Variants in CCNY observed in about 807,000 individuals in gnomAD.
CCNY encodes cyclin-Y.
Under a neutral mutation model 42.8 loss-of-function variants are expected in CCNY, and 19 were observed. The observed-to-expected ratio is 0.44, with a 90% CI of 0.31 to 0.65. CCNY has a LOEUF of 0.65. Ranked by LOEUF, CCNY falls within the 30% of genes least tolerant of loss-of-function variation. The probability of loss-of-function intolerance (pLI) is 0.07; values close to 1 mark genes in which losing one functional copy is unlikely to be tolerated. For missense variants in CCNY, 370 were observed against 437.3 expected, an observed-to-expected ratio of 0.85 and a Z score of 1.37; for synonymous variants, 165 against 162.7, an observed-to-expected ratio of 1.01 and a Z score of -0.11.
At chr10:35,368,590 C>T (rs558698433) in intron 1 of CCNY, among the ~76,000 whole-genome samples, 19 of 145,804 alleles carry the variant, frequency 1.3e-4, no homozygotes, top group African/African-American at 4.8e-4. Flanking sequence ...ATCCACATTT[C>T]GTGGTGTTTT....
At chr10:35,355,678 C>CAAAAAAAAAAAAAAAAA (rs60257114) in intron 1 of CCNY, among the ~76,000 whole-genome samples, 1 of 57,416 alleles carries the variant, frequency 1.7e-5, no homozygotes, top group African/African-American at 8.2e-5. Flanking sequence ...ATACTGTCTC[C>CAAAAAAAAAAAAAAAAA]AAAAAAAAAA....
chr10:35,379,791 C>G (rs1042314234), intron 1 of CCNY, among the ~76,000 whole-genome samples: 1 of 152,194 alleles, frequency 6.6e-6, no homozygotes, highest in South Asian at 2.1e-4. Context: ...TTATCCACCC[C>G]CTACCCCTTC....
intron 7 of CCNY, among the ~76,000 whole-genome samples, chr10:35,550,314 C>T (rs1841226692): frequency 6.6e-6 from 1 of 152,188 alleles, no homozygotes. Context: ...GCTCATGGCC[C>T]ATGACCCTAC....
At chr10:35,440,704 G>A (rs1399311955) in intron 1 of CCNY, among the ~76,000 whole-genome samples, 1 of 152,208 alleles carries the variant, frequency 6.6e-6, no homozygotes, top group Non-Finnish European at 1.5e-5. Context: ...GAGTGATTCT[G>A]GGCAGCAGAA....
intron 1 of CCNY, among the ~76,000 whole-genome samples, chr10:35,480,201 GA>G (rs1291873963): frequency 6.6e-6 from 1 of 152,136 alleles, no homozygotes; most frequent in Non-Finnish European, 1.5e-5. Flanking sequence ...CATCATTAGG[GA>G]CCACTTGTGG....
At chr10:35,535,409 A>G (rs1283318529) in intron 7 of CCNY, among the ~76,000 whole-genome samples, 1 of 152,170 alleles carries the variant, frequency 6.6e-6, no homozygotes, top group African/African-American at 2.4e-5. Context: ...TCCTGCATTC[A>G]TGATAAACAG....
chr10:35,295,230 C>T (rs187550594), intron 3 of CCNY, among the ~76,000 whole-genome samples: 10 of 147,732 alleles, frequency 6.8e-5, no homozygotes, highest in Admixed American at 6.8e-4. Context: ...CCCTATAATA[C>T]TTTTTTTTTT....
intron 3 of CCNY, among the ~76,000 whole-genome samples, chr10:35,504,787 C>T (rs1840180889): frequency 6.6e-6 from 1 of 152,116 alleles, no homozygotes; most frequent in South Asian, 2.1e-4. Context: ...AAAGCATGCG[C>T]CACCATACCC....
chr10:35,286,198 T>C (rs1835352820), intron 3 of CCNY, among the ~76,000 whole-genome samples: 1 of 152,152 alleles, frequency 6.6e-6, no homozygotes. Flanking sequence ...TTCTTTGGGA[T>C]TATGTGACTA....
intron 4 of CCNY, among the ~76,000 whole-genome samples, chr10:35,522,625 TA>T (rs1414271342): frequency 6.6e-6 from 1 of 152,016 alleles, no homozygotes; most frequent in African/African-American, 2.4e-5. Context: ...ACTCCAAAAC[TA>T]AAGAGGGTGA....
intron 3 of CCNY, among the ~76,000 whole-genome samples, chr10:35,505,712 A>G (rs1589165415): frequency 6.6e-6 from 1 of 152,236 alleles, no homozygotes; most frequent in Non-Finnish European, 1.5e-5. Context: ...CGTATGTTGT[A>G]TTATTATTGT....
chr10:35,336,704 G>C lies in CCNY; in HGVS notation c.-350G>C, dbSNP rs1042313866. ...GCGGACACCAACTGGGGAAGCGCGG[G>C]GGGGAGGCGGCCTGCGCGGCGCCGC... On this transcript the variant is annotated 5_prime_UTR_variant, in exon 1 of 10. Coordinates refer to ENST00000374704, the MANE Select transcript of CCNY (RefSeq NM_145012.6). Among the ~76,000 whole-genome samples the C allele has an allele frequency of 1.3e-4, 19 of 147,464 alleles. No homozygotes were observed. In the East Asian group the frequency reaches 1.4e-3, roughly 11 times the overall value.
chr10:35,520,879 A>C (rs1840532814), intron 4 of CCNY, among the ~76,000 whole-genome samples: 3 of 152,196 alleles, frequency 2.0e-5, no homozygotes, highest in Non-Finnish European at 4.4e-5. Context: ...GTCCTCTGAC[A>C]AGCATAAGAT....
chr10:35,295,863 C>G, intron 3 of CCNY, among the ~76,000 whole-genome samples: 1 of 152,126 alleles, frequency 6.6e-6, no homozygotes, highest in African/African-American at 2.4e-5. Context: ...TATATACAAA[C>G]TACATTTTGT....
intron 3 of CCNY, among the ~76,000 whole-genome samples, chr10:35,322,294 C>A (rs1015342141): frequency 6.7e-6 from 1 of 149,428 alleles, no homozygotes; most frequent in Non-Finnish European, 1.5e-5. Context: ...GCAGAGGCTG[C>A]GGTGAGCTGA....
In CCNY at chr10:35,484,343, C is replaced by G. The variant is rs182267981; in HGVS notation, c.229+865C>G. Among the ~76,000 whole-genome samples the G allele has an allele frequency of 2.9e-3, 447 of 152,272 alleles. 3 individuals carry two copies. Among genetic ancestry groups the G allele is most frequent in the Admixed American group, 4.7e-3 (72 of 15,298 alleles). On this transcript the variant is annotated intron_variant, in intron 2 of 9. Coordinates refer to ENST00000374704, the MANE Select transcript of CCNY (RefSeq NM_145012.6). Reference sequence around the variant, plus strand: ...AGTTCATAAATGAGAATTGATAACACTTCAGTAACGATTAGGTAACAATTT... The same window carrying G: ...AGTTCATAAATGAGAATTGATAACAGTTCAGTAACGATTAGGTAACAATTT...
chr10:35,461,194 T>C (rs12776388), intron 1 of CCNY, among the ~76,000 whole-genome samples: 4 of 152,276 alleles, frequency 2.6e-5, no homozygotes, highest in East Asian at 1.9e-4. Context: ...AATTATTCCA[T>C]GAGTCTTGTT....
intron 1 of CCNY, among the ~76,000 whole-genome samples, chr10:35,424,978 AC>A (rs1335725190): frequency 6.6e-6 from 1 of 152,106 alleles, no homozygotes; most frequent in Non-Finnish European, 1.5e-5. Context: ...GCCTCTGAGA[AC>A]CTGCTCCCAC....
At chr10:35,551,060 C>T (rs1841246703) in intron 7 of CCNY, among the ~76,000 whole-genome samples, 1 of 152,192 alleles carries the variant, frequency 6.6e-6, no homozygotes, top group African/African-American at 2.4e-5. Flanking sequence ...CCCCAGTGCA[C>T]CCTGTCCCAG....
Sources: allele counts gnomAD v4.1 joint callset (sites outside exome capture counted in the v4.1 genomes callset), GRCh38; gene constraint gnomAD v4.1.1; transcripts MANE v1.5; gene names NCBI Gene and HGNC (gene_info 2026-07-23, HGNC 2026-07-21).